Variants in UBR2 observed in about 807,000 individuals in gnomAD.
UBR2 encodes ubiquitin protein ligase E3 component n-recognin 2, also known as E3 ubiquitin-protein ligase UBR2.
In UBR2, 92 loss-of-function variants were observed where a neutral mutation model predicts 247.9. The observed-to-expected ratio is 0.37, with a 90% confidence interval of 0.31 to 0.44. UBR2 has a LOEUF of 0.44. Ranked by LOEUF, UBR2 falls within the 20% of genes least tolerant of loss-of-function variation. The pLI is 1.00. For synonymous variants in UBR2, 672 were observed against 693.5 expected (o/e 0.97, Z 0.49); for missense variants, 1,613 against 2,112.6 (o/e 0.76, Z 4.64).
chr6:42,687,576 T>G (rs1799518222), intron 44 of UBR2, among the ~76,000 whole-genome samples: 1 of 151,828 alleles, frequency 6.6e-6, no homozygotes, highest in African/African-American at 2.4e-5. Context: ...GGTCTCACTC[T>G]GTTGCCCAGG....
chr6:42,582,237 C>G (rs763157913), intron 2 of UBR2, among the ~76,000 whole-genome samples: 2 of 143,772 alleles, frequency 1.4e-5, no homozygotes, highest in Non-Finnish European at 3.0e-5. Flanking sequence ...GAGCCGAGAT[C>G]GCACCACTGC....
chr6:42,641,541 GTTTT>G (rs548669639), intron 16 of UBR2, 37 bp from the exon 17 acceptor site: 11 of 1,482,938 alleles, frequency 7.4e-6, no homozygotes, highest in Non-Finnish European at 1.0e-5. Context: ...TTATGTGTGT[GTTTT>G]TTTTGTTTTC....
At chr6:42,619,432 TATATATATATATATATATATA>T (rs1562317933) in intron 11 of UBR2, 5 of 19,734 alleles carry the variant, frequency 2.5e-4, no homozygotes, top group African/African-American at 3.6e-4. Flanking sequence ...TATATATATA[TATATATATATATATATATATA>T]TTTTTTTTTT....
chr6:42,679,658 C>A, intron 41 of UBR2, 66 bp from the exon 42 acceptor site: 3 of 1,204,072 alleles, frequency 2.5e-6, no homozygotes, highest in East Asian at 4.8e-5. Flanking sequence ...TCTGCTATTG[C>A]TTAACTCTCA....
In UBR2 at chr6:42,645,515, C is replaced by T; in HGVS notation, c.2334C>T (p.Ile778=). The change falls in exon 21 of 47, where the codon ATC becomes ATT. Residue 778 remains isoleucine (I), a synonymous_variant. Coordinates refer to ENST00000372901, the MANE Select transcript of UBR2 (RefSeq NM_001363705.2). ...GACAGGTAAATGCTACAGATGAAAT[C>T]AAGCGAGAGATTATCCATCAGTTGA... The part of the protein sequence containing the change: ...GVGQVNATDE[I]KREIIHQLSI... 6.2e-7 allele frequency: 1 copy of T among 1,613,800 alleles called. No individual in the cohort carries two copies. The highest frequency in any genetic ancestry group is 8.5e-7 in the Non-Finnish European group (1 of 1,179,786).
At chr6:42,630,683 C>T (rs1795658620) in intron 11 of UBR2, among the ~76,000 whole-genome samples, 1 of 152,186 alleles carries the variant, frequency 6.6e-6, no homozygotes. Context: ...AGTTTTCAAA[C>T]TCAGTTTTAT....
chr6:42,677,308 G>C (rs1798769246), intron 40 of UBR2, among the ~76,000 whole-genome samples: 1 of 152,180 alleles, frequency 6.6e-6, no homozygotes, highest in Non-Finnish European at 1.5e-5. Flanking sequence ...TATGGTTAGA[G>C]TCATGATTTG....
intron 41 of UBR2, 39 bp from the exon 42 acceptor site, chr6:42,679,685 A>G (rs772889694): frequency 2.1e-6 from 3 of 1,428,424 alleles, no homozygotes; most frequent in South Asian, 1.2e-5. Context: ...ATATGCCCTT[A>G]GTTGTTATAT....
chr6:42,650,370 G>A lies in UBR2; in HGVS notation c.2549G>A (p.Arg850Lys). The A allele has an allele frequency of 6.2e-7, 1 of 1,613,558 alleles. No individual in the cohort carries two copies. Among genetic ancestry groups the A allele is most frequent in the Non-Finnish European group, 8.5e-7 (1 of 1,179,644 alleles). ...EFNLYFYHFSRAEQSKAEEAQ... is the reference protein window; with the variant it reads ...EFNLYFYHFSKAEQSKAEEAQ... ...AACTTGTATTTCTATCACTTTTCAA[G>A]GGCAGAACAGTCCAAGGTAATTGGG... Residue 850 changes from arginine to lysine, a missense_variant, in exon 23 of 47, where the codon AGG (arginine) becomes AAG (lysine). By Grantham distance (26) the Arg-to-Lys change is conservative. Coordinates refer to ENST00000372901, the MANE Select transcript of UBR2 (RefSeq NM_001363705.2).
intron 4 of UBR2, among the ~76,000 whole-genome samples, chr6:42,600,801 T>C (rs1345815334): frequency 6.6e-6 from 1 of 151,582 alleles, no homozygotes; most frequent in Non-Finnish European, 1.5e-5. Context: ...TTCCCAAGCA[T>C]GCACCACTAC....
chr6:42,652,083 C>A lies in UBR2; in HGVS notation c.2614+12C>A. 6.3e-7 allele frequency: 1 copy of A among 1,576,522 alleles called. No individual in the cohort carries two copies. Among genetic ancestry groups the A allele is most frequent in the Non-Finnish European group, 8.6e-7 (1 of 1,165,724 alleles). On this transcript the variant is annotated intron_variant, in intron 24 of 46. Coordinates refer to ENST00000372901, the MANE Select transcript of UBR2 (RefSeq NM_001363705.2). ...TAGAGAAGATACAGGTATTTTTAAT[C>A]TTTCTGAAAATGTCTTGCCCATCTT... is the stretch of plus-strand genomic sequence containing the variant.
At chr6:42,662,326 A>G in intron 31 of UBR2, 49 bp downstream of exon 31, 1 of 1,178,692 alleles carries the variant, frequency 8.5e-7, no homozygotes, top group Non-Finnish European at 1.2e-6. Context: ...CTAAGGGCTC[A>G]ATATTTTTTA....
At chr6:42,620,506 G>GTTTTTT (rs1053036634) in intron 11 of UBR2, among the ~76,000 whole-genome samples, 5 of 111,168 alleles carry the variant, frequency 4.5e-5, no homozygotes, top group South Asian at 2.7e-4. Flanking sequence ...TTTTGTTTTT[G>GTTTTTT]TTTTTTTTTA....
Position 42,681,637 on chromosome 6 carries a change from C to T in UBR2, c.4719-1418C>T, listed in dbSNP as rs549086299. ...TGTGGAAAAACTGGTATACTGGTAT[C>T]CTTGTGCATGGGATATAGAAAATGA... On this transcript the variant is annotated intron_variant, in intron 42 of 46. Transcript: ENST00000372901. Among the ~76,000 whole-genome samples the T allele has an allele frequency of 9.2e-5, 14 of 152,204 alleles. No individual in the cohort carries two copies. The South Asian group carries it at 2.7e-3, about 29-fold the overall frequency.
At chr6:42,571,297 G>A (rs1391099697) in intron 1 of UBR2, among the ~76,000 whole-genome samples, 1 of 142,930 alleles carries the variant, frequency 7.0e-6, no homozygotes, top group Non-Finnish European at 1.5e-5. Flanking sequence ...TTTCATTCTT[G>A]TATTAAAATT....
chr6:42,635,841 C>A (rs534203702), intron 14 of UBR2, among the ~76,000 whole-genome samples: 1 of 152,206 alleles, frequency 6.6e-6, no homozygotes, highest in East Asian at 1.9e-4. Flanking sequence ...ATGGTAGTTT[C>A]TAAATTTATT....
rs1792181193 is a variant in UBR2, at chr6:42,585,286, C to T, written c.339-6865C>T. On this transcript the variant is annotated intron_variant, in intron 2 of 46. Coordinates refer to ENST00000372901, the MANE Select transcript of UBR2 (RefSeq NM_001363705.2). ...CACATTTTTTTATTACTGGATGAAT[C>T]CGGCTCTATTATCATGAATTATAAC... is the stretch of plus-strand genomic sequence containing the variant. Among the ~76,000 whole-genome samples the T allele has an allele frequency of 2.6e-5, 4 of 152,082 alleles. No homozygotes were observed. In the South Asian group the frequency reaches 8.3e-4, roughly 32 times the overall value.
intron 36 of UBR2, among the ~76,000 whole-genome samples, chr6:42,672,338 A>G (rs1034800492): frequency 6.6e-6 from 1 of 152,036 alleles, no homozygotes; most frequent in African/African-American, 2.4e-5. Context: ...CGGCCTAGAT[A>G]CATTTTTTAG....
In UBR2 at chr6:42,691,326, C is replaced by A; in HGVS notation, c.*153C>A. 1 of 999,766 alleles carries A rather than the reference C, an allele frequency of 1.0e-6. No homozygotes were observed. Among genetic ancestry groups the A allele is most frequent in the Non-Finnish European group, 1.5e-6 (1 of 686,262 alleles). The allele number at this position is 999,766 out of a possible 1,614,324, so 61.9% of individuals were successfully genotyped here. A position where few individuals can be genotyped will look rare whatever the true frequency, so the allele number is the denominator to read the frequency against. On this transcript the variant is annotated 3_prime_UTR_variant, in exon 47 of 47. Coordinates refer to ENST00000372901, the MANE Select transcript of UBR2 (RefSeq NM_001363705.2). Reference sequence around the variant, plus strand: ...TCTGGTTCTGAGGACTGATGAAAATCATCTTCCATCAGCAGATTTTCTTGC... The same window carrying A: ...TCTGGTTCTGAGGACTGATGAAAATAATCTTCCATCAGCAGATTTTCTTGC...
Sources: allele counts gnomAD v4.1 joint callset (sites outside exome capture counted in the v4.1 genomes callset), GRCh38; gene constraint gnomAD v4.1.1; transcripts MANE v1.5; gene names NCBI Gene and HGNC (gene_info 2026-07-23, HGNC 2026-07-21).